CNTNAP2: variants seen among roughly 807,000 people sequenced by gnomAD.
CNTNAP2 encodes contactin associated protein 2.
In CNTNAP2, 98 loss-of-function variants were observed where a neutral mutation model predicts 155.2. That is an observed-to-expected ratio of 0.63 (90% CI 0.54 to 0.75). CNTNAP2 has a LOEUF of 0.75. CNTNAP2 is among the 30% of genes least tolerant of loss of function. The probability of loss-of-function intolerance (pLI) is 0.00; values close to 1 mark genes in which losing one functional copy is unlikely to be tolerated. For missense variants in CNTNAP2, 1,727 were observed against 1,688.1 expected, an observed-to-expected ratio of 1.02 and a Z score of -0.40; for synonymous variants, 651 against 631.2, an observed-to-expected ratio of 1.03 and a Z score of -0.47.
intron 8 of CNTNAP2, among the ~76,000 whole-genome samples, chr7:147,157,678 T>C (rs1465913826): frequency 1.3e-5 from 2 of 152,132 alleles, no homozygotes; most frequent in Admixed American, 1.3e-4. Flanking sequence ...GGCTTCCACA[T>C]CCCTCATTTG....
At chr7:146,418,619 T>A (rs1795969261) in intron 1 of CNTNAP2, among the ~76,000 whole-genome samples, 2 of 152,184 alleles carry the variant, frequency 1.3e-5, no homozygotes. Flanking sequence ...ACTACTCAAA[T>A]ACTCTAAAAT....
At chr7:148,022,954 C>A (rs1802312220) in intron 15 of CNTNAP2, among the ~76,000 whole-genome samples, 1 of 152,146 alleles carries the variant, frequency 6.6e-6, no homozygotes, top group Non-Finnish European at 1.5e-5. Context: ...CTGTACAGCA[C>A]CGTTAAATAT....
chr7:147,081,883 T>G (rs1800139604), intron 4 of CNTNAP2: 3 of 152,172 alleles, frequency 2.0e-5, no homozygotes, highest in Non-Finnish European at 4.4e-5. Flanking sequence ...ACGCCCAGCT[T>G]GTGCTTCTAG....
chr7:147,733,745 A>T (rs951566475), intron 13 of CNTNAP2, among the ~76,000 whole-genome samples: 2 of 152,122 alleles, frequency 1.3e-5, no homozygotes, highest in Non-Finnish European at 2.9e-5. Flanking sequence ...ATCCTTTGTA[A>T]GTTGGATTCC....
intron 13 of CNTNAP2, among the ~76,000 whole-genome samples, chr7:147,895,238 T>TCCCAC (rs1799758805): frequency 6.6e-6 from 1 of 152,010 alleles, no homozygotes; most frequent in Non-Finnish European, 1.5e-5. Context: ...CCTCCTAAAG[T>TCCCAC]GTTGGGACTA....
At position 146,206,950 on chromosome 7, in the gene CNTNAP2, T is replaced by G. The variant is rs139966119; in HGVS notation, c.97+89977T>G. ...CTTTTATGCTATTTTTGCAGCAATT[T>G]TTATTGATAGAGTATGTGGGTCCTT... On this transcript the variant is annotated intron_variant, in intron 1 of 23. Coordinates refer to ENST00000361727, the MANE Select transcript of CNTNAP2 (RefSeq NM_014141.6). 1.3e-3 allele frequency among the ~76,000 whole-genome samples: 203 copies of G among 152,144 alleles called. 1 individual carries two copies. The highest frequency in any genetic ancestry group is 4.7e-3 in the African/African-American group (195 of 41,574).
At chr7:147,223,721 T>C (rs893063105) in intron 8 of CNTNAP2, among the ~76,000 whole-genome samples, 1 of 151,958 alleles carries the variant, frequency 6.6e-6, no homozygotes, top group African/African-American at 2.4e-5. Context: ...GGCAGGCGGA[T>C]CATGAGGTCA....
At chr7:147,618,410 T>C (rs527912519) in intron 12 of CNTNAP2, among the ~76,000 whole-genome samples, 2 of 152,088 alleles carry the variant, frequency 1.3e-5, no homozygotes, top group South Asian at 4.1e-4. Flanking sequence ...AGAGAAAATA[T>C]GAAAAAAGGT....
At chr7:147,799,106 A>T (rs1797948623) in intron 13 of CNTNAP2, among the ~76,000 whole-genome samples, 1 of 152,216 alleles carries the variant, frequency 6.6e-6, no homozygotes, top group African/African-American at 2.4e-5. Flanking sequence ...TTCAGGCATG[A>T]AAATAATAAG....
chr7:147,696,103 G>A (rs1796157314), intron 13 of CNTNAP2, among the ~76,000 whole-genome samples: 1 of 152,092 alleles, frequency 6.6e-6, no homozygotes, highest in Non-Finnish European at 1.5e-5. Context: ...AACACATATT[G>A]TTAGGTTTTG....
At chr7:146,685,122 T>C (rs930069097) in intron 1 of CNTNAP2, among the ~76,000 whole-genome samples, 1 of 152,082 alleles carries the variant, frequency 6.6e-6, no homozygotes, top group Admixed American at 6.5e-5. Context: ...GAAATTAAGG[T>C]ATAGGGATTA....
intron 3 of CNTNAP2, among the ~76,000 whole-genome samples, chr7:146,976,228 T>C (rs2129235185): frequency 6.6e-6 from 1 of 152,318 alleles, no homozygotes; most frequent in Middle Eastern, 3.4e-3. Flanking sequence ...AAGGCGTCTG[T>C]GTGTGGGACT....
At chr7:147,775,266 TTTATATATATATTTATAA>T (rs1797547226) in intron 13 of CNTNAP2, among the ~76,000 whole-genome samples, 1 of 95,258 alleles carries the variant, frequency 1.0e-5, no homozygotes, top group Non-Finnish European at 2.1e-5. Flanking sequence ...TATAAATATA[TTTATATATATATTTATAA>T]ATATATATAT....
intron 9 of CNTNAP2, among the ~76,000 whole-genome samples, chr7:147,375,382 A>G (rs988132892): frequency 6.6e-6 from 1 of 152,074 alleles, no homozygotes; most frequent in Non-Finnish European, 1.5e-5. Context: ...TCTGTTTTAC[A>G]GTAACATTGG....
intron 1 of CNTNAP2, among the ~76,000 whole-genome samples, chr7:146,623,264 T>G (rs1585011927): frequency 1.3e-5 from 2 of 152,192 alleles, no homozygotes; most frequent in East Asian, 1.9e-4. Context: ...TTCTGACATG[T>G]GATCCTGACT....
chr7:146,770,642 CA>C (rs1441287452), intron 1 of CNTNAP2, among the ~76,000 whole-genome samples: 3 of 151,258 alleles, frequency 2.0e-5, no homozygotes, highest in African/African-American at 7.3e-5. Context: ...ATAATTTTTT[CA>C]AATTATTACT....
intron 8 of CNTNAP2, among the ~76,000 whole-genome samples, chr7:147,227,198 A>T (rs974342859): frequency 2.6e-5 from 4 of 152,206 alleles, no homozygotes; most frequent in African/African-American, 7.2e-5. Flanking sequence ...TGCAAAGGCC[A>T]GGAGGCAGGA....
intron 9 of CNTNAP2, among the ~76,000 whole-genome samples, chr7:147,387,968 A>C (rs559062124): frequency 1.3e-5 from 2 of 152,016 alleles, no homozygotes; most frequent in Non-Finnish European, 2.9e-5. Flanking sequence ...TTCTTCCTAC[A>C]TTCCTGTTAC....
chr7:148,362,998 T>A (rs887132859), intron 21 of CNTNAP2, among the ~76,000 whole-genome samples: 4 of 152,112 alleles, frequency 2.6e-5, no homozygotes, highest in African/African-American at 9.6e-5. Context: ...ATTTTTTTTT[T>A]AAACGGAGTT....
Sources: gnomAD v4.1 joint callset for allele counts (sites outside exome capture counted in the v4.1 genomes callset) on GRCh38, gnomAD v4.1.1 for gene constraint, MANE v1.5 for transcripts, NCBI Gene and HGNC (gene_info 2026-07-23, HGNC 2026-07-21) for gene names.